The following SPATA17 variants were observed in gnomAD, a reference collection of about 807,000 sequenced individuals.
SPATA17 encodes spermatogenesis-associated protein 17.
SPATA17 carries 53 observed loss-of-function variants against 62.2 expected under a neutral mutation model. The observed-to-expected ratio is 0.85, with a 90% CI of 0.68 to 1.07. The LOEUF is 1.07. Among genes scored for constraint, SPATA17 ranks in the 50% least tolerant of loss-of-function variants. The pLI is 0.00. For missense variants in SPATA17, 466 were observed against 425.5 expected (o/e 1.10, Z -0.84); for synonymous variants, 146 against 146.8 (o/e 0.99, Z 0.04).
chr1:217,660,283 C>G (rs1670537892), intron 3 of SPATA17, among the ~76,000 whole-genome samples: 1 of 152,160 alleles, frequency 6.6e-6, no homozygotes, highest in African/African-American at 2.4e-5. Flanking sequence ...AGGCATTTCT[C>G]TCACTGATAC....
intron 4 of SPATA17, among the ~76,000 whole-genome samples, chr1:217,682,795 A>G (rs1287280971): frequency 1.1e-4 from 16 of 152,186 alleles, no homozygotes; most frequent in Non-Finnish European, 2.1e-4. Context: ...TGTCATAATT[A>G]AGATACAAGA....
intron 9 of SPATA17, among the ~76,000 whole-genome samples, chr1:217,835,561 G>C (rs979363529): frequency 1.3e-5 from 2 of 152,052 alleles, no homozygotes; most frequent in Non-Finnish European, 2.9e-5. Flanking sequence ...GTAGTGCATT[G>C]AATAACCATA....
intron 6 of SPATA17, among the ~76,000 whole-genome samples, chr1:217,759,390 C>T (rs573137125): frequency 5.3e-5 from 8 of 151,748 alleles, no homozygotes; most frequent in Non-Finnish European, 8.8e-5. Flanking sequence ...ACCCGGGAGG[C>T]GGAGGTGGCA....
chr1:217,656,620 A>G (rs1467139226), intron 3 of SPATA17, among the ~76,000 whole-genome samples: 1 of 152,188 alleles, frequency 6.6e-6, no homozygotes, highest in Non-Finnish European at 1.5e-5. Flanking sequence ...TGCCTAACAT[A>G]AGGCATGAAA....
At chr1:217,742,168 A>C in intron 6 of SPATA17, 70 bp downstream of exon 6, 1 of 1,562,666 alleles carries the variant, frequency 6.4e-7, no homozygotes, top group Non-Finnish European at 8.7e-7. Flanking sequence ...ATAAACTAGC[A>C]GGCTGAATGG....
At chr1:217,675,332 A>C (rs1670922643) in intron 4 of SPATA17, among the ~76,000 whole-genome samples, 1 of 152,214 alleles carries the variant, frequency 6.6e-6, no homozygotes, top group Admixed American at 6.5e-5. Flanking sequence ...TTTCTTTAAT[A>C]AAGTTTACAC....
chr1:217,699,677 G>A (rs535973873), intron 5 of SPATA17, among the ~76,000 whole-genome samples: 2 of 152,158 alleles, frequency 1.3e-5, no homozygotes, highest in African/African-American at 4.8e-5. Flanking sequence ...CTCTTAGTAT[G>A]ATCTTTTCAC....
intron 5 of SPATA17, among the ~76,000 whole-genome samples, chr1:217,685,373 G>A (rs1452172151): frequency 6.6e-6 from 1 of 152,176 alleles, no homozygotes; most frequent in Non-Finnish European, 1.5e-5. Flanking sequence ...GATATTTCCA[G>A]TAATTCTTAT....
chr1:217,855,483 A>G (rs1196373323), intron 9 of SPATA17, among the ~76,000 whole-genome samples: 2 of 152,192 alleles, frequency 1.3e-5, no homozygotes, highest in African/African-American at 2.4e-5. Flanking sequence ...ATTTTCATGT[A>G]CATCTGCCTT....
intron 6 of SPATA17, among the ~76,000 whole-genome samples, chr1:217,747,899 A>T (rs1327906760): frequency 1.3e-5 from 2 of 152,238 alleles, no homozygotes; most frequent in Non-Finnish European, 2.9e-5. Flanking sequence ...ATTAATACTG[A>T]TAAAACTTTA....
At chr1:217,754,010 C>T (rs1672978633) in intron 6 of SPATA17, among the ~76,000 whole-genome samples, 1 of 152,010 alleles carries the variant, frequency 6.6e-6, no homozygotes, top group South Asian at 2.1e-4. Context: ...CCAAGGCAGG[C>T]AGATCACTTA....
chr1:217,706,455 T>G (rs1289596235), intron 5 of SPATA17, among the ~76,000 whole-genome samples: 6 of 152,098 alleles, frequency 3.9e-5, no homozygotes, highest in Admixed American at 3.9e-4. Flanking sequence ...CTGGGGGCCG[T>G]TCCCCCATGC....
intron 6 of SPATA17, among the ~76,000 whole-genome samples, chr1:217,762,777 GC>G (rs1673202565): frequency 6.6e-6 from 1 of 152,166 alleles, no homozygotes. Context: ...TTTGAGACCA[GC>G]CTGGCCAACG....
intron 3 of SPATA17, among the ~76,000 whole-genome samples, chr1:217,663,445 C>CAAA (rs199729272): frequency 8.7e-6 from 1 of 115,098 alleles, no homozygotes; most frequent in Non-Finnish European, 1.9e-5. Context: ...AACTCCATCT[C>CAAA]AAAAAAAAAA....
intron 5 of SPATA17, among the ~76,000 whole-genome samples, chr1:217,696,464 C>G (rs139681571): frequency 0.01 from 1,553 of 152,196 alleles, 27 homozygotes; most frequent in African/African-American, 0.036. Context: ...TGCGTCGCTC[C>G]GCTCACGCTG....
intron 9 of SPATA17, among the ~76,000 whole-genome samples, chr1:217,810,670 A>G (rs1674564466): frequency 6.6e-6 from 1 of 152,054 alleles, no homozygotes; most frequent in Non-Finnish European, 1.5e-5. Flanking sequence ...GGTTATTTTT[A>G]AAAGAAAGAG....
At chr1:217,836,855 T>A (rs1675272845) in intron 9 of SPATA17, among the ~76,000 whole-genome samples, 1 of 152,144 alleles carries the variant, frequency 6.6e-6, no homozygotes, top group African/African-American at 2.4e-5. Context: ...TATTTTACTA[T>A]CTTATAATTT....
chr1:217,845,450 G>A (rs937702701), intron 9 of SPATA17, among the ~76,000 whole-genome samples: 1 of 151,988 alleles, frequency 6.6e-6, no homozygotes, highest in Non-Finnish European at 1.5e-5. Context: ...TGGAAGAGAT[G>A]GGAAATTATA....
At chr1:217,660,395 G>A (rs750873710) in intron 3 of SPATA17, among the ~76,000 whole-genome samples, 7 of 152,106 alleles carry the variant, frequency 4.6e-5, no homozygotes, top group Non-Finnish European at 1.0e-4. Flanking sequence ...CACATAAAAG[G>A]CCTACTGAAA....
Sources: allele counts gnomAD v4.1 joint callset (sites outside exome capture counted in the v4.1 genomes callset), GRCh38; gene constraint gnomAD v4.1.1; transcripts MANE v1.5; gene names NCBI Gene and HGNC (gene_info 2026-07-23, HGNC 2026-07-21).